Variants in KIAA0586 observed in about 807,000 individuals in gnomAD.
KIAA0586 encodes KIAA0586.
Under a neutral mutation model 169.8 loss-of-function variants are expected in KIAA0586, and 144 were observed. The observed-to-expected ratio is 0.85, with a 90% CI of 0.74 to 0.97. The LOEUF (loss-of-function observed/expected upper bound fraction) is 0.97, where lower values mean the gene tolerates loss of function less well. Among genes scored for constraint, KIAA0586 ranks in the 50% least tolerant of loss-of-function variants. The probability of loss-of-function intolerance (pLI) is 0.00; values close to 1 mark genes in which losing one functional copy is unlikely to be tolerated. For synonymous variants in KIAA0586, 625 were observed against 612.4 expected (o/e 1.02, Z -0.30); for missense variants, 1,854 against 1,823.0 (o/e 1.02, Z -0.31).
At chr14:58,457,418 C>T (rs2039958004) in intron 10 of KIAA0586, among the ~76,000 whole-genome samples, 1 of 152,084 alleles carries the variant, frequency 6.6e-6, no homozygotes, top group South Asian at 2.1e-4. Flanking sequence ...CAAGGGTGTG[C>T]CACCACACCT....
Position 58,550,596 on chromosome 14 carries a change from G to C in KIAA0586, c.*2664G>C, listed in dbSNP as rs1399930944. ...TCATGCCTGTAATCCCAAGACTTTGGGAGGCCGAGGGTGGATCACTTGAGC... is the reference window on the plus strand; with the variant it reads ...TCATGCCTGTAATCCCAAGACTTTGCGAGGCCGAGGGTGGATCACTTGAGC... On this transcript the variant is annotated 3_prime_UTR_variant, in exon 31 of 31. Transcript: ENST00000652326. 2.0e-5 allele frequency: 3 copies of C among 152,098 alleles called. No individual in the cohort carries two copies. The highest frequency in any genetic ancestry group is 6.6e-5 in the Admixed American group (1 of 15,260). The allele number at this position is 152,098 out of a possible 1,614,324, so 9.4% of individuals were successfully genotyped here.
intron 29 of KIAA0586, among the ~76,000 whole-genome samples, chr14:58,536,064 ATATGAG>A (rs1325554844): frequency 6.6e-6 from 1 of 152,164 alleles, no homozygotes; most frequent in East Asian, 1.9e-4. Context: ...TTTTTTTTAA[ATATGAG>A]TATAACTGTT....
In KIAA0586 at chr14:58,521,787, A is replaced by G. The variant is rs2045247955; in HGVS notation, c.4429+9160A>G. 10 of 804,790 alleles carry G rather than the reference A, an allele frequency of 1.2e-5. No individual in the cohort carries two copies. The East Asian group carries it at 2.5e-4, about 20-fold the overall frequency. 49.9% of individuals were successfully genotyped at this position (804,790 alleles called of 1,614,324 possible). A position where few individuals can be genotyped will look rare whatever the true frequency, so the allele number is the denominator to read the frequency against. On this transcript the variant is annotated intron_variant, in intron 29 of 30. Transcript: ENST00000652326. ...GGATGATAAGTCGGAAGAGGAGCAG[A>G]GCAGTAGTTCCATGAAGAAAGATGA...
chr14:58,466,578 A>G (rs1299571009), intron 15 of KIAA0586, among the ~76,000 whole-genome samples: 1 of 152,082 alleles, frequency 6.6e-6, no homozygotes, highest in African/African-American at 2.4e-5. Flanking sequence ...TCAAAAAAAA[A>G]AATTAGCTGG....
At chr14:58,464,976 G>A (rs2040628571) in intron 14 of KIAA0586, among the ~76,000 whole-genome samples, 2 of 152,122 alleles carry the variant, frequency 1.3e-5, no homozygotes, top group Admixed American at 1.3e-4. Context: ...GGAGGCTAGG[G>A]TGGGAGGATC....
chr14:58,459,068 A>G (rs573916321), intron 12 of KIAA0586, among the ~76,000 whole-genome samples: 1 of 152,274 alleles, frequency 6.6e-6, no homozygotes, highest in South Asian at 2.1e-4. Flanking sequence ...TTTAAAGGAA[A>G]TTTAAAAATT....
the KIAA0586 span, among the ~76,000 whole-genome samples, chr14:58,560,307 A>G: frequency 1.3e-5 from 2 of 152,196 alleles, no homozygotes; most frequent in Non-Finnish European, 2.9e-5. Flanking sequence ...CAAATGAATG[A>G]ATGCATATGC....
chr14:58,467,984 G>T (rs2040903191), intron 16 of KIAA0586, 62 bp downstream of exon 16: 1 of 1,082,232 alleles, frequency 9.2e-7, no homozygotes, highest in African/African-American at 1.6e-5. Flanking sequence ...CTTAACGTTA[G>T]TACGGAAATC....
chr14:58,485,376 G>A (rs181406047), intron 21 of KIAA0586, among the ~76,000 whole-genome samples: 228 of 152,014 alleles, frequency 1.5e-3, no homozygotes, highest in African/African-American at 5.1e-3. Context: ...TGATCAGATC[G>A]GCAAAACTCT....
chr14:58,432,349 C>G (rs1233366106), intron 3 of KIAA0586, 39 bp from the exon 4 acceptor site: 2 of 1,203,690 alleles, frequency 1.7e-6, no homozygotes, highest in African/African-American at 3.2e-5. Flanking sequence ...AATAAATATT[C>G]AGGAATTTAA....
chr14:58,499,109 T>A (rs915882590), intron 27 of KIAA0586, 149 bp downstream of exon 27: 5 of 642,200 alleles, frequency 7.8e-6, no homozygotes, highest in South Asian at 2.3e-5. Context: ...TAACTTTTTT[T>A]ATAGTATATA....
chr14:58,477,970 A>G (rs2041772476), intron 20 of KIAA0586, among the ~76,000 whole-genome samples: 1 of 151,240 alleles, frequency 6.6e-6, no homozygotes, highest in African/African-American at 2.4e-5. Flanking sequence ...TTTACTTGCC[A>G]TAAAAGTCAC....
chr14:58,534,832 T>C (rs146052828), intron 29 of KIAA0586, among the ~76,000 whole-genome samples: 2 of 152,336 alleles, frequency 1.3e-5, no homozygotes, highest in East Asian at 3.9e-4. Flanking sequence ...TTGCTGAAAC[T>C]GCCCTATTGG....
chr14:58,494,472 C>G (rs1939165328), intron 26 of KIAA0586, among the ~76,000 whole-genome samples: 1 of 150,654 alleles, frequency 6.6e-6, no homozygotes, highest in African/African-American at 2.4e-5. Flanking sequence ...GTTCTTTTGA[C>G]CTGTGAGTTC....
Position 58,488,646 on chromosome 14 carries a change from G to C in KIAA0586, c.3553G>C (p.Glu1185Gln). ...TGTAATGTCTGTGGCTAAGGATGAA[G>C]AACCAGAGAGTATGGATTTCCCTGC... is the stretch of plus-strand genomic sequence containing the variant. ...AIVMSVAKDE[E>Q]PESMDFPAQP... The change falls in exon 24 of 31, where the codon GAA becomes CAA. Residue 1185 changes from glutamate (E) to glutamine (Q), a missense_variant. Transcript: ENST00000652326. 1 of 1,613,872 alleles carries C rather than the reference G, an allele frequency of 6.2e-7. No homozygotes were observed. Among genetic ancestry groups the C allele is most frequent in the African/African-American group, 1.3e-5 (1 of 75,008 alleles).
intron 6 of KIAA0586, among the ~76,000 whole-genome samples, chr14:58,445,783 C>CTTTTTT (rs34119416): frequency 8.0e-6 from 1 of 124,774 alleles, no homozygotes; most frequent in Non-Finnish European, 1.6e-5. Flanking sequence ...TCAGTAAACT[C>CTTTTTT]TTTTTTTTTT....
chr14:58,465,999 G>A lies in KIAA0586; in HGVS notation c.2224G>A (p.Gly742Ser), dbSNP rs748962430. 2.5e-6 allele frequency: 4 copies of A among 1,610,640 alleles called. No individual in the cohort carries two copies. The South Asian group carries it at 3.3e-5, about 13-fold the overall frequency. The change falls in exon 15 of 31, where the codon GGT (glycine) becomes AGT (serine). Residue 742 changes from glycine (G) to serine (S), a missense_variant. Transcript: ENST00000652326. ...EMPTFSGTLE[G>S]HLIPMAILLG... ...GCCTACTTTTTCAGGTACATTGGAA[G>A]GTCATCTGATTCCTATGGCAATTCT...
At chr14:58,541,445 G>A (rs2046629877) in intron 30 of KIAA0586, among the ~76,000 whole-genome samples, 1 of 152,170 alleles carries the variant, frequency 6.6e-6, no homozygotes, top group Non-Finnish European at 1.5e-5. Context: ...ATGCCCTTAA[G>A]GAATGCATTG....
chr14:58,535,594 A>C (rs1317630984), intron 29 of KIAA0586, among the ~76,000 whole-genome samples: 1 of 152,126 alleles, frequency 6.6e-6, no homozygotes, highest in South Asian at 2.1e-4. Flanking sequence ...GAGTTGGTAT[A>C]CCTACTAGAG....
Sources: gnomAD v4.1 joint callset for allele counts (sites outside exome capture counted in the v4.1 genomes callset) on GRCh38, gnomAD v4.1.1 for gene constraint, MANE v1.5 for transcripts, NCBI Gene and HGNC (gene_info 2026-07-23, HGNC 2026-07-21) for gene names.